CHGB: variants seen among roughly 807,000 people sequenced by gnomAD.
CHGB encodes the protein secretogranin-1.
In CHGB, 46 loss-of-function variants were observed where a neutral mutation model predicts 69.9. The observed-to-expected ratio is 0.66, with a 90% CI of 0.52 to 0.84. The LOEUF (loss-of-function observed/expected upper bound fraction) is 0.84, where lower values mean the gene tolerates loss of function less well. CHGB is among the 40% of genes least tolerant of loss of function. The pLI is 0.00. For missense variants in CHGB, 796 were observed against 822.2 expected (o/e 0.97, Z 0.39); for synonymous variants, 312 against 298.2 (o/e 1.05, Z -0.48).
rs760902354 is a variant in CHGB at position 5,923,979 on chromosome 20, A to G, written c.1835A>G (p.His612Arg). ...DRVAQLDQLL[H>R]YRKKSAEFPD... The stretch of plus-strand genomic sequence containing the variant: ...GTGGCCCAACTGGACCAGCTCCTTC[A>G]CTACAGGAAGAAGTCAGCTGAGTTT... The change falls in exon 4 of 5, where the codon CAC becomes CGC. Residue 612 changes from histidine to arginine, a missense_variant. Coordinates refer to ENST00000378961, the MANE Select transcript of CHGB (RefSeq NM_001819.3). The G allele has an allele frequency of 3.1e-6, 5 of 1,614,092 alleles. No individual in the cohort carries two copies. The highest frequency in any genetic ancestry group is 4.2e-6 in the Non-Finnish European group (5 of 1,179,996).
intron 1 of CHGB, among the ~76,000 whole-genome samples, chr20:5,912,993 A>G (rs2088454867): frequency 6.6e-6 from 1 of 152,242 alleles, no homozygotes; most frequent in African/African-American, 2.4e-5. Context: ...AAGAAAATCA[A>G]ATGAATATTT....
Position 5,922,064 on chromosome 20 carries a change from T to C in CHGB, c.191-271T>C, listed in dbSNP as rs573793871. Among the ~76,000 whole-genome samples, 8 of 152,334 alleles carry C rather than the reference T, an allele frequency of 5.3e-5. No individual in the cohort carries two copies. The South Asian group carries it at 1.4e-3, about 28-fold the overall frequency. On this transcript the variant is annotated intron_variant, in intron 3 of 4. Transcript: ENST00000378961. ...ATATTTCATAAATCTATATCTCGAT[T>C]TCAGTTTGATCATTGGTAGTACCAA...
intron 1 of CHGB, among the ~76,000 whole-genome samples, chr20:5,912,824 G>T (rs1246153483): frequency 1.3e-5 from 2 of 152,062 alleles, no homozygotes; most frequent in South Asian, 2.1e-4. Context: ...TGCCATCCAT[G>T]AATATGAAGC....
intron 4 of CHGB, 127 bp downstream of exon 4, chr20:5,924,227 T>C: frequency 7.3e-7 from 1 of 1,366,132 alleles, no homozygotes; most frequent in African/African-American, 1.5e-5. Flanking sequence ...GGTGCTCTAG[T>C]AATGGAGTGG....
In CHGB at chr20:5,911,632, C is replaced by T; in HGVS notation, c.-2C>T. On this transcript the variant is annotated 5_prime_UTR_variant, in exon 1 of 5. Transcript: ENST00000378961. ...TCCGCACAGGGGCCGCCGAGCGGGG[C>T]CATGCAGCCAACGCTGCTTCTCAGC... 6.6e-7 allele frequency: 1 copy of T among 1,515,182 alleles called. No homozygotes were observed. Among genetic ancestry groups the T allele is most frequent in the East Asian group, 2.8e-5 (1 of 36,188 alleles). 93.9% of individuals were successfully genotyped at this position (1,515,182 alleles called of 1,614,324 possible). A position where few individuals can be genotyped will look rare whatever the true frequency, so the allele number is the denominator to read the frequency against.
In CHGB at chr20:5,923,872, C is replaced by T; in HGVS notation, c.1728C>T (p.Phe576=). 6.2e-7 allele frequency: 1 copy of T among 1,614,196 alleles called. No homozygotes were observed. Among genetic ancestry groups the T allele is most frequent in the Non-Finnish European group, 8.5e-7 (1 of 1,180,040 alleles). ...ATGACTGGTGGGAGAAAAAGCCCTTCTCTGAGGATGTGAACTGGGGGTATG... is the reference window on the plus strand; with the variant it reads ...ATGACTGGTGGGAGAAAAAGCCCTTTTCTGAGGATGTGAACTGGGGGTATG... ...YNYDWWEKKP[F]SEDVNWGYEK... The change falls in exon 4 of 5, where the codon TTC becomes TTT. Residue 576 remains phenylalanine, a synonymous_variant. Transcript: ENST00000378961.
rs375812326 is a variant in CHGB at position 5,922,545 on chromosome 20, C to T, written c.401C>T (p.Ala134Val). Reference sequence around the variant, plus strand: ...GGAGGCGGGCACAGCCGAGAGCGAGCGGATGAGCCCCAGTGGAGCCTCTAT... The same window carrying T: ...GGAGGCGGGCACAGCCGAGAGCGAGTGGATGAGCCCCAGTGGAGCCTCTAT... ...AEGGGHSRERADEPQWSLYPS... is the reference protein window; with the variant it reads ...AEGGGHSRERVDEPQWSLYPS... The change falls in exon 4 of 5, where the codon GCG (alanine) becomes GTG (valine). Residue 134 changes from alanine (A) to valine (V), a missense_variant. This residue lies in a region of CHGB where 518 missense variants were observed against 506.3 expected (regional missense o/e 1.02). Coordinates refer to ENST00000378961, the MANE Select transcript of CHGB (RefSeq NM_001819.3). The T allele has an allele frequency of 2.0e-5, 33 of 1,612,898 alleles. No homozygotes were observed. The highest frequency in any genetic ancestry group is 6.7e-5 in the East Asian group (3 of 44,828).
At chr20:5,920,761 A>G (rs2088509164) in intron 3 of CHGB, among the ~76,000 whole-genome samples, 1 of 152,188 alleles carries the variant, frequency 6.6e-6, no homozygotes, top group South Asian at 2.1e-4. Flanking sequence ...AATGCTATAC[A>G]CACCACCACT....
chr20:5,922,468 G>A lies in CHGB; in HGVS notation c.324G>A (p.Gly108=). 1 of 1,613,730 alleles carries A rather than the reference G, an allele frequency of 6.2e-7. No individual in the cohort carries two copies. Among genetic ancestry groups the A allele is most frequent in the Non-Finnish European group, 8.5e-7 (1 of 1,179,708 alleles). The change falls in exon 4 of 5, where the codon GGG becomes GGA. Residue 108 remains glycine, a synonymous_variant. Coordinates refer to ENST00000378961, the MANE Select transcript of CHGB (RefSeq NM_001819.3). ...GCAGGGGAGAGGCAGGAGCCCCAGG[G>A]GAGGAGGACATCCAAGGCCCAACAA... is the stretch of plus-strand genomic sequence containing the variant. ...SSSRGEAGAP[G]EEDIQGPTKA... is the part of the protein sequence containing the mutation.
chr20:5,915,517 T>C (rs934411542), intron 1 of CHGB: 1 of 152,168 alleles, frequency 6.6e-6, no homozygotes, highest in Non-Finnish European at 1.5e-5. Context: ...TAAACGAGCT[T>C]GTTCAGGCAA....
Position 5,922,492 on chromosome 20 carries a change from A to G in CHGB, c.348A>G (p.Thr116=). ...APGEEDIQGP[T]KADTEKWAEG... is the part of the protein sequence containing the mutation. ...GGGAGGAGGACATCCAAGGCCCAAC[A>G]AAGGCAGACACAGAGAAATGGGCAG... Residue 116 remains threonine (T), a synonymous_variant, in exon 4 of 5, where the codon ACA becomes ACG. Transcript: ENST00000378961. The G allele has an allele frequency of 6.2e-7, 1 of 1,613,458 alleles. No homozygotes were observed. The highest frequency in any genetic ancestry group is 8.5e-7 in the Non-Finnish European group (1 of 1,179,580).
At chr20:5,921,018 G>A (rs915612799) in intron 3 of CHGB, among the ~76,000 whole-genome samples, 1 of 152,002 alleles carries the variant, frequency 6.6e-6, no homozygotes, top group African/African-American at 2.4e-5. Flanking sequence ...AATATAATGT[G>A]AGCCACAAAT....
rs928815906 is a variant in CHGB at position 5,919,744 on chromosome 20, G to A, written c.191-2591G>A. Reference sequence around the variant, plus strand: ...GTTCTCTCTCTCTTGTTGGCATGTCGTAAACTGATCAGAAGACTGGTGGAG... The same window carrying A: ...GTTCTCTCTCTCTTGTTGGCATGTCATAAACTGATCAGAAGACTGGTGGAG... On this transcript the variant is annotated intron_variant, in intron 3 of 4. Transcript: ENST00000378961. Among the ~76,000 whole-genome samples the A allele has an allele frequency of 2.3e-4, 35 of 152,258 alleles. 1 individual carries two copies. The highest frequency in any genetic ancestry group is 6.3e-4 in the African/African-American group (26 of 41,532).
chr20:5,919,183 G>A (rs973945034), intron 3 of CHGB, among the ~76,000 whole-genome samples: 1 of 152,182 alleles, frequency 6.6e-6, no homozygotes, highest in African/African-American at 2.4e-5. Context: ...AGGAAAAGTT[G>A]CCTATGCCTG....
rs919015732 is a variant in CHGB at position 5,924,007 on chromosome 20, A to G, written c.1863A>G (p.Pro621=). The G allele has an allele frequency of 6.8e-6, 11 of 1,613,872 alleles. No individual in the cohort carries two copies. In the Admixed American group the frequency reaches 1.0e-4, roughly 15 times the overall value. ...ACAGGAAGAAGTCAGCTGAGTTTCC[A>G]GACTTCTATGATTCTGAGGAGCCGG... ...LHYRKKSAEF[P]DFYDSEEPVS... The change falls in exon 4 of 5, where the codon CCA becomes CCG. Residue 621 remains proline, a synonymous_variant. Coordinates refer to ENST00000378961, the MANE Select transcript of CHGB (RefSeq NM_001819.3).
At chr20:5,915,196 T>C (rs574239089) in intron 1 of CHGB, among the ~76,000 whole-genome samples, 172 of 151,864 alleles carry the variant, frequency 1.1e-3, no homozygotes, top group Non-Finnish European at 2.1e-3. Context: ...AAAGTCAAAG[T>C]GAAAAAAGAA....
rs1452067177 is a variant in CHGB at position 5,923,586 on chromosome 20, G to A, written c.1442G>A (p.Gly481Glu). The A allele has an allele frequency of 1.2e-6, 2 of 1,614,136 alleles. No individual in the cohort carries two copies. Among genetic ancestry groups the A allele is most frequent in the East Asian group, 2.2e-5 (1 of 44,876 alleles). ...YLNYGEEGAPGKWQQQGDLQD... is the reference protein window; with the variant it reads ...YLNYGEEGAPEKWQQQGDLQD... ...AACTACGGTGAGGAAGGAGCCCCAGGGAAGTGGCAGCAGCAGGGAGACCTG... is the reference window on the plus strand; with the variant it reads ...AACTACGGTGAGGAAGGAGCCCCAGAGAAGTGGCAGCAGCAGGGAGACCTG... Residue 481 changes from glycine (G) to glutamate (E), a missense_variant, in exon 4 of 5, where the codon GGG (glycine) becomes GAG (glutamate). Around this residue, in one of 3 missense-constraint regions of CHGB, gnomAD observed 274 missense variants for 298.9 expected, o/e 0.92. Transcript: ENST00000378961.
rs543283681 is a variant in CHGB, at chr20:5,922,682, G to T, written c.538G>T (p.Glu180Ter). 6.2e-7 allele frequency: 1 copy of T among 1,613,982 alleles called. No homozygotes were observed. Among genetic ancestry groups the T allele is most frequent in the South Asian group, 1.1e-5 (1 of 91,068 alleles). Residue 180 changes from glutamate to a stop codon, truncating the protein, a stop_gained, in exon 4 of 5, where the codon GAA (glutamate) becomes TAA (stop). Transcript: ENST00000378961. LOFTEE classifies it high-confidence loss of function. ...GENYQKGERG[E>*]DSSEEKHLEE... The stretch of plus-strand genomic sequence containing the variant: ...GAACTATCAAAAAGGGGAGCGAGGG[G>T]AAGATAGCAGTGAAGAGAAACACCT...
At chr20:5,911,779 G>A in intron 1 of CHGB, 97 bp downstream of exon 1, 2 of 1,188,780 alleles carry the variant, frequency 1.7e-6, no homozygotes, top group Non-Finnish European at 1.1e-6. Context: ...CCGGGAGAGA[G>A]GGAGGGTTGA....
Sources: gnomAD v4.1 joint callset for allele counts (sites outside exome capture counted in the v4.1 genomes callset) on GRCh38, gnomAD v4.1.1 for gene constraint, gnomAD v4.1.1 regional missense constraint, MANE v1.5 for transcripts, NCBI Gene and HGNC (gene_info 2026-07-23, HGNC 2026-07-21) for gene names.